The following CDH18 variants were observed in gnomAD, a reference collection of about 807,000 sequenced individuals.
The protein encoded by CDH18 is cadherin 18, also known as cadherin-18.
In CDH18, 31 loss-of-function variants were observed where a neutral mutation model predicts 67.9. The ratio of observed to expected loss-of-function variants is 0.46; its 90% CI spans 0.34 to 0.62. The LOEUF is 0.62. Among genes scored for constraint, CDH18 ranks in the 20% least tolerant of loss-of-function variants. The pLI, the probability that CDH18 is intolerant of heterozygous loss-of-function variation, is 0.01. For missense variants in CDH18, 890 were observed against 975.5 expected, an observed-to-expected ratio of 0.91 and a Z score of 1.17; for synonymous variants, 362 against 347.2, an observed-to-expected ratio of 1.04 and a Z score of -0.48.
intron 1 of CDH18, among the ~76,000 whole-genome samples, chr5:20,525,225 T>C (rs1755976779): frequency 6.6e-6 from 1 of 152,092 alleles, no homozygotes; most frequent in Non-Finnish European, 1.5e-5. Flanking sequence ...CTGGACAGAT[T>C]CACTACCAAA....
intron 2 of CDH18, among the ~76,000 whole-genome samples, chr5:20,201,493 G>C (rs1307823186): frequency 1.3e-5 from 2 of 150,806 alleles, no homozygotes; most frequent in Non-Finnish European, 2.9e-5. Context: ...GGAGAGTGAA[G>C]TGTTTTTTTT....
chr5:19,813,554 G>T (rs1391430750), intron 3 of CDH18, among the ~76,000 whole-genome samples: 1 of 151,942 alleles, frequency 6.6e-6, no homozygotes, highest in Non-Finnish European at 1.5e-5. Flanking sequence ...ATTATTTAAT[G>T]ATAAACTAAA....
At chr5:20,213,559 T>C (rs1020807528) in intron 2 of CDH18, among the ~76,000 whole-genome samples, 1 of 152,052 alleles carries the variant, frequency 6.6e-6, no homozygotes, top group African/African-American at 2.4e-5. Context: ...TCAGAGCTCA[T>C]TATTGGTTTG....
At chr5:19,842,341 T>C (rs1387873860) in intron 2 of CDH18, among the ~76,000 whole-genome samples, 4 of 152,154 alleles carry the variant, frequency 2.6e-5, no homozygotes, top group East Asian at 1.9e-4. Context: ...TGGGAGGTGA[T>C]TGGATCATGG....
intron 2 of CDH18, among the ~76,000 whole-genome samples, chr5:19,945,612 A>G (rs1033447189): frequency 6.6e-6 from 1 of 152,188 alleles, no homozygotes; most frequent in African/African-American, 2.4e-5. Context: ...TGTTTCATCA[A>G]TCCATTATAA....
intron 2 of CDH18, among the ~76,000 whole-genome samples, chr5:20,141,901 T>C (rs571737424): frequency 5.3e-5 from 8 of 152,016 alleles, no homozygotes; most frequent in African/African-American, 1.7e-4. Flanking sequence ...AATACTAATA[T>C]TAAAGTATTA....
At chr5:20,221,520 G>C (rs1741224561) in intron 2 of CDH18, among the ~76,000 whole-genome samples, 1 of 151,982 alleles carries the variant, frequency 6.6e-6, no homozygotes, top group African/African-American at 2.4e-5. Context: ...CAGAAACATA[G>C]GTAGATAGAA....
At chr5:19,862,318 G>T (rs1289258267) in intron 2 of CDH18, among the ~76,000 whole-genome samples, 1 of 152,072 alleles carries the variant, frequency 6.6e-6, no homozygotes, top group African/African-American at 2.4e-5. Context: ...CAATTCTTTT[G>T]CACTATATTT....
chr5:19,929,422 CT>C lies in CDH18; in HGVS notation c.-257+51637del, dbSNP rs552642826. On this transcript the variant is annotated intron_variant, in intron 2 of 12. Transcript: ENST00000382275. The stretch of plus-strand genomic sequence containing the variant: ...TCCTCAAGACTGAATCAAACATTTT[CT>C]GTGCAAAATTAGTGCAAGAAATCAC... 3.3e-5 allele frequency among the ~76,000 whole-genome samples: 5 copies of C among 152,170 alleles called. No homozygotes were observed. The East Asian group carries it at 7.7e-4, about 24-fold the overall frequency.
chr5:19,597,192 G>A (rs966924829), intron 6 of CDH18, among the ~76,000 whole-genome samples: 3 of 152,168 alleles, frequency 2.0e-5, no homozygotes, highest in African/African-American at 7.2e-5. Context: ...TGAGTAAGCT[G>A]GAAGCAGAAA....
intron 2 of CDH18, among the ~76,000 whole-genome samples, chr5:20,059,039 C>T (rs1462961255): frequency 6.6e-6 from 1 of 152,130 alleles, no homozygotes. Flanking sequence ...AATTTGACTT[C>T]TTCCTGGTTT....
chr5:19,832,752 C>T (rs970873250), intron 3 of CDH18, among the ~76,000 whole-genome samples: 2 of 152,072 alleles, frequency 1.3e-5, no homozygotes, highest in African/African-American at 4.8e-5. Context: ...ATATGTCTGG[C>T]CAGTTTTCCC....
At chr5:20,314,596 C>T (rs1737295129) in intron 1 of CDH18, among the ~76,000 whole-genome samples, 1 of 152,048 alleles carries the variant, frequency 6.6e-6, no homozygotes, top group African/African-American at 2.4e-5. Context: ...CTACTAAGAA[C>T]TACTAGCATG....
chr5:20,539,713 C>A (rs1266779407), intron 1 of CDH18, among the ~76,000 whole-genome samples: 1 of 149,950 alleles, frequency 6.7e-6, no homozygotes, highest in Non-Finnish European at 1.5e-5. Flanking sequence ...TATTTTACCC[C>A]ACTCCATCTC....
At chr5:20,107,759 T>G (rs1323571676) in intron 2 of CDH18, among the ~76,000 whole-genome samples, 1 of 152,084 alleles carries the variant, frequency 6.6e-6, no homozygotes, top group African/African-American at 2.4e-5. Context: ...TCCACTTCTT[T>G]TTTTTTTATT....
At chr5:20,267,927 A>G (rs1745161075) in intron 1 of CDH18, among the ~76,000 whole-genome samples, 1 of 152,284 alleles carries the variant, frequency 6.6e-6, no homozygotes, top group African/African-American at 2.4e-5. Context: ...GCCAATAGGT[A>G]GTTTCTCGGC....
chr5:19,767,722 A>G (rs2149727052), intron 3 of CDH18, among the ~76,000 whole-genome samples: 1 of 152,282 alleles, frequency 6.6e-6, no homozygotes, highest in East Asian at 1.9e-4. Flanking sequence ...AATTGTATGG[A>G]GACTTCAGTA....
chr5:19,473,506 G>A lies in CDH18; in HGVS notation c.2093C>T (p.Thr698Ile), dbSNP rs2126491987. ...RRDIRPEVKL[T>I]PRHQTSSTLE... is the part of the protein sequence containing the mutation. The stretch of plus-strand genomic sequence containing the variant: ...GGTGGATGATGTCTGGTGTCTGGGA[G>A]TGAGCTTCACTTCAGGTCTGATATC... The change falls in exon 13 of 13, where the codon ACT (threonine) becomes ATT (isoleucine). Residue 698 changes from threonine (T) to isoleucine (I), a missense_variant. Transcript: ENST00000382275. The A allele has an allele frequency of 1.2e-6, 2 of 1,613,774 alleles. No homozygotes were observed. Among genetic ancestry groups the A allele is most frequent in the Non-Finnish European group, 1.7e-6 (2 of 1,179,826 alleles).
At position 19,755,448 on chromosome 5, in the gene CDH18, T is replaced by TACAC. The variant is rs1220795740; in HGVS notation, c.229-8213_229-8212insGTGT. The stretch of plus-strand genomic sequence containing the variant: ...CAGGGTATGTATATATATATATATA[T>TACAC]ATATATATATACACACACACACACA... On this transcript the variant is annotated intron_variant, in intron 3 of 12. Coordinates refer to ENST00000382275, the MANE Select transcript of CDH18 (RefSeq NM_004934.5). Among the ~76,000 whole-genome samples the TACAC allele has an allele frequency of 8.9e-3, 94 of 10,554 alleles. 18 individuals are homozygous for TACAC. The highest frequency in any genetic ancestry group is 0.2 in the East Asian group (2 of 10). The allele number at this position is 10,554 out of a possible 152,430, so 6.9% of individuals were successfully genotyped here.
Sources: allele counts gnomAD v4.1 joint callset (sites outside exome capture counted in the v4.1 genomes callset), GRCh38; gene constraint gnomAD v4.1.1; transcripts MANE v1.5; gene names NCBI Gene and HGNC (gene_info 2026-07-23, HGNC 2026-07-21).